ZFHX4: variants seen among roughly 807,000 people sequenced by gnomAD.
ZFHX4 encodes zinc finger homeobox protein 4.
In ZFHX4, 56 loss-of-function variants were observed where a neutral mutation model predicts 267.6. The ratio of observed to expected loss-of-function variants is 0.21; its 90% CI spans 0.17 to 0.26. The LOEUF is 0.26. Ranked by LOEUF, ZFHX4 falls within the 10% of genes least tolerant of loss-of-function variation. ZFHX4 has a pLI of 1.00. For missense variants in ZFHX4, 4,332 were observed against 4,420.0 expected (o/e 0.98, Z 0.56); for synonymous variants, 1,778 against 1,665.6 (o/e 1.07, Z -1.64).
Position 76,854,422 on chromosome 8 carries a change from G to T in ZFHX4, c.7501G>T (p.Ala2501Ser). 2.5e-6 allele frequency: 4 copies of T among 1,613,958 alleles called. No homozygotes were observed. The highest frequency in any genetic ancestry group is 3.4e-6 in the Non-Finnish European group (4 of 1,179,878). Residue 2501 changes from alanine to serine, a missense_variant, in exon 10 of 11, where the codon GCC (alanine) becomes TCC (serine). Ala to Ser is a moderately conservative substitution (Grantham distance 99). This residue lies in a region of ZFHX4 where 1,648 missense variants were observed against 1,625.0 expected (regional missense o/e 1.01). Transcript: ENST00000651372. ...ATACCAATGTGATCAGTGTACAGTT[G>T]CCTTCCCAACTCTGGAACTCTGGCA... Reference protein sequence around the residue: ...LQYQCDQCTVAFPTLELWQEH... With the variant: ...LQYQCDQCTVSFPTLELWQEH...
chr8:76,777,621 C>G (rs1007459581), intron 3 of ZFHX4, among the ~76,000 whole-genome samples: 9 of 152,068 alleles, frequency 5.9e-5, no homozygotes, highest in Non-Finnish European at 1.2e-4. Flanking sequence ...ACCTCTATCA[C>G]GGAGGGCTCA....
At position 76,705,999 on chromosome 8, in the gene ZFHX4, G is replaced by T. The variant is rs771222216; in HGVS notation, c.1911G>T (p.Ser637=). ...GTGGTCATATGACTATGATGCACTCGAGGAACTCATGCAAAACCCTCAAAT... is the reference window on the plus strand; with the variant it reads ...GTGGTCATATGACTATGATGCACTCTAGGAACTCATGCAAAACCCTCAAAT... ...SLGGHMTMMH[S]RNSCKTLKCP... The change falls in exon 2 of 11, where the codon TCG becomes TCT. Residue 637 remains serine (S), a synonymous_variant. Transcript: ENST00000651372. The T allele has an allele frequency of 1.2e-6, 2 of 1,613,324 alleles. No homozygotes were observed. The highest frequency in any genetic ancestry group is 2.2e-5 in the East Asian group (1 of 44,824).
intron 4 of ZFHX4, among the ~76,000 whole-genome samples, chr8:76,793,464 A>G (rs1810892189): frequency 6.6e-6 from 1 of 152,200 alleles, no homozygotes. Flanking sequence ...CAAACGGTAA[A>G]TGGAATGAAA....
At chr8:76,779,227 G>A (rs1002144418) in intron 4 of ZFHX4, among the ~76,000 whole-genome samples, 1 of 152,092 alleles carries the variant, frequency 6.6e-6, no homozygotes, top group Non-Finnish European at 1.5e-5. Flanking sequence ...AGCCTATTTA[G>A]ATAAATCATT....
intron 3 of ZFHX4, among the ~76,000 whole-genome samples, chr8:76,776,698 C>G (rs1460831134): frequency 6.6e-6 from 1 of 152,202 alleles, no homozygotes; most frequent in South Asian, 2.1e-4. Flanking sequence ...CTACGCTGCA[C>G]TTCTATTTCT....
In ZFHX4 at chr8:76,707,543, T is replaced by C. The variant is rs201793372; in HGVS notation, c.2591-3T>C. ...TTTTCCTTTTAATTTTTTTTTCCTG[T>C]AGTAAATAATGAGCTGCCGCCTGAA... On this transcript the variant is annotated splice_polypyrimidine_tract_variant and splice_region_variant and intron_variant, in intron 2 of 10. Coordinates refer to ENST00000651372, the MANE Select transcript of ZFHX4 (RefSeq NM_024721.5). The C allele has an allele frequency of 2.0e-3, 3,094 of 1,543,352 alleles. 10 individuals are homozygous for C. The highest frequency in any genetic ancestry group is 2.5e-3 in the Non-Finnish European group (2,846 of 1,144,704).
In ZFHX4 at chr8:76,775,217, C is replaced by T. The variant is rs79381419; in HGVS notation, c.3094-2991C>T. ...TTACTAGAAGAATGTATTATTGCCACTGTACTCCAAACCACTAATGAGAAA... is the reference window on the plus strand; with the variant it reads ...TTACTAGAAGAATGTATTATTGCCATTGTACTCCAAACCACTAATGAGAAA... On this transcript the variant is annotated intron_variant, in intron 3 of 10. Coordinates refer to ENST00000651372, the MANE Select transcript of ZFHX4 (RefSeq NM_024721.5). Among the ~76,000 whole-genome samples, 234 of 152,246 alleles carry T rather than the reference C, an allele frequency of 1.5e-3. 1 individual carries two copies. The highest frequency in any genetic ancestry group is 5.5e-3 in the African/African-American group (230 of 41,562).
At chr8:76,808,570 C>T (rs1382744790) in intron 4 of ZFHX4, among the ~76,000 whole-genome samples, 1 of 152,054 alleles carries the variant, frequency 6.6e-6, no homozygotes, top group African/African-American at 2.4e-5. Context: ...ATAAATGTAC[C>T]TTTATTTTCT....
chr8:76,851,433 T>A lies in ZFHX4; in HGVS notation c.4512T>A (p.Ser1504Arg), dbSNP rs12542650. 1 of 1,613,754 alleles carries A rather than the reference T, an allele frequency of 6.2e-7. No individual in the cohort carries two copies. Among genetic ancestry groups the A allele is most frequent in the Admixed American group, 1.7e-5 (1 of 60,004 alleles). The change falls in exon 10 of 11, where the codon AGT becomes AGA. Residue 1504 changes from serine (S) to arginine (R), a missense_variant. By Grantham distance (110) the Ser-to-Arg change is moderately radical (BLOSUM62 -1). Around this residue, in one of 7 missense-constraint regions of ZFHX4, gnomAD observed 1,371 missense variants for 1,423.1 expected, o/e 0.96. Transcript: ENST00000651372. Reference protein sequence around the residue: ...DHEGKASPVGSDSSSIPDDMG... With the variant: ...DHEGKASPVGRDSSSIPDDMG... ...AAGGGAAAGCAAGTCCTGTAGGAAGTGATAGTAGCTCTATTCCAGATGACA... is the reference window on the plus strand; with the variant it reads ...AAGGGAAAGCAAGTCCTGTAGGAAGAGATAGTAGCTCTATTCCAGATGACA...
Position 76,759,909 on chromosome 8 carries a change from T to C in ZFHX4, c.3094-18299T>C, listed in dbSNP as rs549409015. 6.6e-5 allele frequency among the ~76,000 whole-genome samples: 10 copies of C among 152,296 alleles called. No individual in the cohort carries two copies. In the South Asian group the frequency reaches 1.9e-3, roughly 28 times the overall value. On this transcript the variant is annotated intron_variant, in intron 3 of 10. Transcript: ENST00000651372. ...ATCATACAGTATTAAGACAGGTAAA[T>C]GATCTAAGTGATCAACTCTTTATTT...
chr8:76,856,591 A>C (rs188643825), intron 10 of ZFHX4, among the ~76,000 whole-genome samples: 1 of 152,272 alleles, frequency 6.6e-6, no homozygotes, highest in African/African-American at 2.4e-5. Flanking sequence ...TTTTATACTA[A>C]TTTCAATCTT....
At chr8:76,827,677 G>T (rs925821622) in intron 4 of ZFHX4, among the ~76,000 whole-genome samples, 1 of 152,092 alleles carries the variant, frequency 6.6e-6, no homozygotes, top group Admixed American at 6.6e-5. Flanking sequence ...TATCAGGAAC[G>T]TATTAAATTC....
intron 6 of ZFHX4, among the ~76,000 whole-genome samples, chr8:76,846,962 C>T (rs181335465): frequency 4.5e-4 from 68 of 152,108 alleles, no homozygotes; most frequent in African/African-American, 1.3e-3. Flanking sequence ...CCATCATGTA[C>T]GCAAAAGAAC....
chr8:76,700,837 G>T (rs188684874), intron 1 of ZFHX4, among the ~76,000 whole-genome samples: 1 of 152,142 alleles, frequency 6.6e-6, no homozygotes, highest in African/African-American at 2.4e-5. Context: ...TTTACAAACA[G>T]AATGTCTGGC....
chr8:76,863,572 C>T lies in ZFHX4; in HGVS notation c.9858C>T (p.Tyr3286=). 2 of 1,613,822 alleles carry T rather than the reference C, an allele frequency of 1.2e-6. No homozygotes were observed. The highest frequency in any genetic ancestry group is 1.7e-6 in the Non-Finnish European group (2 of 1,179,814). Residue 3286 remains tyrosine (Y), a synonymous_variant, in exon 11 of 11, where the codon TAC becomes TAT. Coordinates refer to ENST00000651372, the MANE Select transcript of ZFHX4 (RefSeq NM_024721.5). ...PQLPGTVQGG[Y]FPPVCGMESL... The stretch of plus-strand genomic sequence containing the variant: ...TCCCTGGAACAGTGCAGGGGGGATA[C>T]TTCCCACCTGTCTGTGGCATGGAGA...
chr8:76,696,595 C>T (rs561678511), intron 1 of ZFHX4, among the ~76,000 whole-genome samples: 18 of 146,566 alleles, frequency 1.2e-4, no homozygotes, highest in African/African-American at 4.0e-4. Context: ...CTGAATTGCT[C>T]ACTTCACTGA....
In ZFHX4 at chr8:76,852,248, A is replaced by G. The variant is rs139920573; in HGVS notation, c.5327A>G (p.Glu1776Gly). ...ACAGGAATGGCTGGCTCCTTGCTTGAAGACCTAAAGCAGCAGATTCAAACC... is the reference window on the plus strand; with the variant it reads ...ACAGGAATGGCTGGCTCCTTGCTTGGAGACCTAAAGCAGCAGATTCAAACC... ...GMTGMAGSLL[E>G]DLKQQIQTQH... is the part of the protein sequence containing the mutation. The change falls in exon 10 of 11, where the codon GAA becomes GGA. Residue 1776 changes from glutamate (E) to glycine (G), a missense_variant. By Grantham distance (98) the Glu-to-Gly change is moderately conservative. This residue lies in a region of ZFHX4 where 1,371 missense variants were observed against 1,423.1 expected (regional missense o/e 0.96). Coordinates refer to ENST00000651372, the MANE Select transcript of ZFHX4 (RefSeq NM_024721.5). 4.7e-3 allele frequency: 7,564 copies of G among 1,605,078 alleles called. 56 individuals carry two copies. Among genetic ancestry groups the G allele is most frequent in the Admixed American group, 0.031 (1,799 of 58,034 alleles).
intron 1 of ZFHX4, among the ~76,000 whole-genome samples, chr8:76,699,692 GT>G (rs1808051288): frequency 6.7e-6 from 1 of 150,298 alleles, no homozygotes; most frequent in Non-Finnish European, 1.5e-5. Context: ...GGTAGCGATA[GT>G]GGTGTGAACT....
intron 6 of ZFHX4, among the ~76,000 whole-genome samples, chr8:76,843,363 G>A (rs755469230): frequency 1.9e-4 from 29 of 152,108 alleles, no homozygotes; most frequent in Non-Finnish European, 3.7e-4. Context: ...CATTGAAAAG[G>A]GATTAGGTGC....
Sources: allele counts gnomAD v4.1 joint callset (sites outside exome capture counted in the v4.1 genomes callset), GRCh38; gene constraint gnomAD v4.1.1; regional missense constraint gnomAD v4.1.1; transcripts MANE v1.5; gene names NCBI Gene and HGNC (gene_info 2026-07-23, HGNC 2026-07-21).